The following LRIF1 variants were observed in gnomAD, a reference collection of about 807,000 sequenced individuals.
The protein encoded by LRIF1 is ligand dependent nuclear receptor interacting factor 1.
A neutral mutation model predicts 52.7 loss-of-function variants in LRIF1; 32 were observed. That is an observed-to-expected ratio of 0.61 (90% CI 0.46 to 0.82). The LOEUF (loss-of-function observed/expected upper bound fraction) is 0.82. Among genes scored for constraint, LRIF1 ranks in the 40% least tolerant of loss-of-function variants. The pLI is 0.00. For synonymous variants in LRIF1, 323 were observed against 317.4 expected, an observed-to-expected ratio of 1.02 and a Z score of -0.19; for missense variants, 887 against 892.0, an observed-to-expected ratio of 0.99 and a Z score of 0.07.
chr1:110,911,368 A>G, the LRIF1 span, among the ~76,000 whole-genome samples: 1 of 152,134 alleles, frequency 6.6e-6, no homozygotes, highest in Non-Finnish European at 1.5e-5. Flanking sequence ...TAAAATCCCT[A>G]TCAACCAGAA....
intron 1 of LRIF1, among the ~76,000 whole-genome samples, chr1:110,955,018 T>C (rs955787453): frequency 2.6e-5 from 4 of 152,254 alleles, no homozygotes; most frequent in Admixed American, 6.5e-5. Flanking sequence ...TCAATATTTC[T>C]ATCTGTGGCT....
chr1:110,942,054 C>T, the LRIF1 span: 1 of 152,018 alleles, frequency 6.6e-6, no homozygotes, highest in Admixed American at 6.6e-5. Context: ...TAGAGCTCTT[C>T]CTCATTCTTT....
intron 1 of LRIF1, 106 bp downstream of exon 1, chr1:110,963,515 G>A (rs1659054344): frequency 5.7e-6 from 5 of 880,956 alleles, no homozygotes; most frequent in Admixed American, 2.5e-5. Flanking sequence ...CACTCTGCGG[G>A]CTCCAACTCC....
In LRIF1 at chr1:110,952,337, G is replaced by T; in HGVS notation, c.547C>A (p.His183Asn). Residue 183 changes from histidine to asparagine, a missense_variant, in exon 2 of 4, where the codon CAT becomes AAT. His to Asn is a moderately conservative substitution (Grantham distance 68). Coordinates refer to ENST00000369763, the MANE Select transcript of LRIF1 (RefSeq NM_018372.4). ...TVKSPVLPSGHHLQIPAHAEV... is the reference protein window; with the variant it reads ...TVKSPVLPSGNHLQIPAHAEV... Reference sequence around the variant, plus strand: ...GCATGGGCTGGAATCTGTAAATGATGCCCAGAAGGCAAAACTGGAGACTTC... The same window carrying T: ...GCATGGGCTGGAATCTGTAAATGATTCCCAGAAGGCAAAACTGGAGACTTC... The T allele has an allele frequency of 6.2e-7, 1 of 1,614,074 alleles. No individual in the cohort carries two copies. The highest frequency in any genetic ancestry group is 8.5e-7 in the Non-Finnish European group (1 of 1,179,954).
At chr1:110,886,869 A>ATATTTTTTTT in the LRIF1 span, among the ~76,000 whole-genome samples, 5 of 82,780 alleles carry the variant, frequency 6.0e-5, no homozygotes, top group South Asian at 8.5e-4. Flanking sequence ...ATATATATAT[A>ATATTTTTTTT]TTTTTTTTTT....
At chr1:110,882,523 TC>T in the LRIF1 span, among the ~76,000 whole-genome samples, 1 of 152,096 alleles carries the variant, frequency 6.6e-6, no homozygotes, top group East Asian at 1.9e-4. Flanking sequence ...CCAATTTTGT[TC>T]TTTATCAAAC....
the LRIF1 span, among the ~76,000 whole-genome samples, chr1:110,885,627 C>A: frequency 6.6e-6 from 1 of 152,192 alleles, no homozygotes; most frequent in South Asian, 2.1e-4. Context: ...CTTTAGGAGG[C>A]TGAGACAGGC....
intron 1 of LRIF1, among the ~76,000 whole-genome samples, chr1:110,961,717 C>T (rs1022095350): frequency 1.3e-5 from 2 of 152,006 alleles, no homozygotes; most frequent in East Asian, 3.8e-4. Flanking sequence ...TACCATCAAA[C>T]ATGTTACCAG....
the LRIF1 span, among the ~76,000 whole-genome samples, chr1:110,925,242 A>G: frequency 6.6e-6 from 1 of 152,166 alleles, no homozygotes; most frequent in Non-Finnish European, 1.5e-5. Flanking sequence ...CCTTAAGAAA[A>G]ACAAAGAAAC....
the LRIF1 span, among the ~76,000 whole-genome samples, chr1:110,877,684 A>T: frequency 1.3e-5 from 2 of 152,188 alleles, no homozygotes; most frequent in Non-Finnish European, 2.9e-5. Flanking sequence ...CCTAACAGCG[A>T]CCTAGAAGAA....
chr1:110,895,156 G>T, the LRIF1 span: 1 of 842,006 alleles, frequency 1.2e-6, no homozygotes, highest in Non-Finnish European at 2.0e-6. Flanking sequence ...AGAATCTAAG[G>T]TCCACATCCC....
the LRIF1 span, among the ~76,000 whole-genome samples, chr1:110,924,399 A>C: frequency 6.6e-6 from 1 of 152,238 alleles, no homozygotes; most frequent in African/African-American, 2.4e-5. Context: ...AAAGAAGTTT[A>C]ATTGACTCAC....
At chr1:110,917,012 T>TA in the LRIF1 span, among the ~76,000 whole-genome samples, 1 of 152,254 alleles carries the variant, frequency 6.6e-6, no homozygotes, top group Non-Finnish European at 1.5e-5. Flanking sequence ...TCATGTTTTT[T>TA]ACACTAGCGA....
the LRIF1 span, among the ~76,000 whole-genome samples, chr1:110,895,696 C>A: frequency 5.0e-3 from 754 of 152,074 alleles, 14 homozygotes; most frequent in African/African-American, 0.017. Flanking sequence ...TTTAGATCTC[C>A]AATTCTTTAT....
the LRIF1 span, among the ~76,000 whole-genome samples, chr1:110,931,157 C>G: frequency 1.3e-5 from 2 of 152,136 alleles, no homozygotes; most frequent in Non-Finnish European, 2.9e-5. Context: ...CTGACAGGCC[C>G]TGCTGTGTGA....
the LRIF1 span, chr1:110,892,256 A>G: frequency 3.2e-6 from 3 of 944,876 alleles, no homozygotes; most frequent in Non-Finnish European, 3.5e-6. Context: ...TTAAAAATAA[A>G]GTGATTCTGA....
At chr1:110,882,559 T>C in the LRIF1 span, among the ~76,000 whole-genome samples, 1 of 152,172 alleles carries the variant, frequency 6.6e-6, no homozygotes, top group Admixed American at 6.5e-5. Flanking sequence ...CTAAGTCTTT[T>C]GCATTCCCAA....
the LRIF1 span, chr1:110,895,200 C>T: frequency 3.1e-6 from 2 of 638,158 alleles, no homozygotes; most frequent in East Asian, 2.8e-5. Flanking sequence ...CTATCACAAA[C>T]ATGGGAGCCC....
chr1:110,886,871 T>TATA, the LRIF1 span, among the ~76,000 whole-genome samples: 536 of 76,038 alleles, frequency 7.0e-3, 2 homozygotes, highest in Middle Eastern at 0.018. Context: ...ATATATATAT[T>TATA]TTTTTTTTCT....
Sources: allele counts gnomAD v4.1 joint callset (sites outside exome capture counted in the v4.1 genomes callset), GRCh38; gene constraint gnomAD v4.1.1; transcripts MANE v1.5; gene names NCBI Gene and HGNC (gene_info 2026-07-23, HGNC 2026-07-21).